MARCHF8: variants seen among roughly 807,000 people sequenced by gnomAD.
MARCHF8 encodes membrane associated ring-CH-type finger 8.
MARCHF8 carries 40 observed loss-of-function variants against 51.6 expected under a neutral mutation model. The observed-to-expected ratio is 0.77, with a 90% CI of 0.60 to 1.01. MARCHF8 has a LOEUF of 1.01. Among genes scored for constraint, MARCHF8 ranks in the 50% least tolerant of loss-of-function variants. The probability of loss-of-function intolerance (pLI) is 0.00; values close to 1 mark genes in which losing one functional copy is unlikely to be tolerated. For missense variants in MARCHF8, 685 were observed against 708.6 expected, an observed-to-expected ratio of 0.97 and a Z score of 0.38; for synonymous variants, 263 against 280.3, an observed-to-expected ratio of 0.94 and a Z score of 0.62.
At position 45,514,288 on chromosome 10, in the gene MARCHF8, G is replaced by C. The variant is rs530790017; in HGVS notation, c.102+18822C>G. ...TTCCATAAAGCCTAATGGCATCCCT[G>C]AATCAGTGAGAAACCAGGCACAGCT... is the stretch of plus-strand genomic sequence containing the variant. On this transcript the variant is annotated intron_variant, in intron 2 of 7. Coordinates refer to ENST00000453424, the MANE Select transcript of MARCHF8 (RefSeq NM_001282866.2). Among the ~76,000 whole-genome samples, 14 of 152,350 alleles carry C rather than the reference G, an allele frequency of 9.2e-5. No individual in the cohort carries two copies. In the South Asian group the frequency reaches 2.9e-3, roughly 32 times the overall value.
intron 5 of MARCHF8, 78 bp from the exon 6 acceptor site, chr10:45,461,489 C>A (rs1000834220): frequency 3.1e-6 from 4 of 1,272,492 alleles, no homozygotes; most frequent in Middle Eastern, 3.0e-4. Flanking sequence ...CAGGTTAATC[C>A]CCCCAAAGGA....
At chr10:45,566,780 AG>A (rs561562277) in intron 1 of MARCHF8, among the ~76,000 whole-genome samples, 162 of 4,574 alleles carry the variant, frequency 0.035, 1 homozygote, top group African/African-American at 0.083. Flanking sequence ...TGGCGGGGGG[AG>A]GGGGGGAGGG....
chr10:45,534,761 G>A (rs1564506908), intron 1 of MARCHF8, among the ~76,000 whole-genome samples: 1 of 152,014 alleles, frequency 6.6e-6, no homozygotes. Context: ...CAACCCCAAG[G>A]TCACATTTGA....
chr10:45,472,149 C>T (rs1037283561), intron 3 of MARCHF8, among the ~76,000 whole-genome samples: 9 of 152,146 alleles, frequency 5.9e-5, no homozygotes, highest in African/African-American at 2.2e-4. Context: ...GCCTTTCCCA[C>T]CCCTCCTCCT....
chr10:45,522,485 GGGTGTAATACAAA>G (rs140235536), intron 2 of MARCHF8, among the ~76,000 whole-genome samples: 35,078 of 152,116 alleles, frequency 0.23, 4,246 homozygotes, highest in Admixed American at 0.3. Flanking sequence ...AACAATCCTG[GGGTGTAATACAAA>G]TCAGTTGAGC....
chr10:45,545,677 A>G (rs1809657372), intron 1 of MARCHF8, among the ~76,000 whole-genome samples: 1 of 152,244 alleles, frequency 6.6e-6, no homozygotes, highest in Non-Finnish European at 1.5e-5. Context: ...TAAGTTACAG[A>G]TAAGAAATTT....
At chr10:45,489,317 G>A (rs2043040959) in intron 3 of MARCHF8, 50 bp downstream of exon 3, 3 of 1,346,584 alleles carry the variant, frequency 2.2e-6, no homozygotes, top group Admixed American at 1.9e-5. Flanking sequence ...TAAGGCATAA[G>A]AACAGAAAAG....
chr10:45,486,259 C>T (rs2042977190), intron 3 of MARCHF8, among the ~76,000 whole-genome samples: 1 of 152,144 alleles, frequency 6.6e-6, no homozygotes, highest in South Asian at 2.1e-4. Flanking sequence ...GCAAACAGCA[C>T]ACAGTAAAAA....
intron 1 of MARCHF8, among the ~76,000 whole-genome samples, chr10:45,567,881 A>G (rs554999749): frequency 6.6e-6 from 1 of 152,292 alleles, no homozygotes; most frequent in Non-Finnish European, 1.5e-5. Flanking sequence ...GGTAGTATGG[A>G]CATTTTAACA....
At chr10:45,585,931 T>A (rs1316639861) in intron 1 of MARCHF8, among the ~76,000 whole-genome samples, 3 of 152,142 alleles carry the variant, frequency 2.0e-5, no homozygotes, top group Non-Finnish European at 4.4e-5. Flanking sequence ...TTGCTTAACA[T>A]CCTTCTAGAC....
chr10:45,527,186 T>C (rs981381057), intron 2 of MARCHF8, among the ~76,000 whole-genome samples: 2 of 150,754 alleles, frequency 1.3e-5, no homozygotes, highest in African/African-American at 4.9e-5. Flanking sequence ...TCGAAAAAAA[T>C]AGAAAGACCA....
At chr10:45,495,129 A>AAAAAG (rs905317544) in intron 2 of MARCHF8, among the ~76,000 whole-genome samples, 1 of 152,124 alleles carries the variant, frequency 6.6e-6, no homozygotes, top group Admixed American at 6.5e-5. Context: ...TCAAAAAAAA[A>AAAAAG]AAAAGAAAAG....
intron 2 of MARCHF8, among the ~76,000 whole-genome samples, chr10:45,522,116 A>T (rs932773744): frequency 6.6e-6 from 1 of 152,190 alleles, no homozygotes; most frequent in African/African-American, 2.4e-5. Flanking sequence ...ACAACTTTTT[A>T]AAGTCAGGGG....
At chr10:45,477,913 A>G (rs752697407) in intron 3 of MARCHF8, among the ~76,000 whole-genome samples, 2 of 152,264 alleles carry the variant, frequency 1.3e-5, no homozygotes, top group Non-Finnish European at 1.5e-5. Context: ...ACTCAGATGT[A>G]TAAAGCAAAT....
chr10:45,508,797 C>T (rs2043437347), intron 2 of MARCHF8, among the ~76,000 whole-genome samples: 1 of 152,104 alleles, frequency 6.6e-6, no homozygotes, highest in African/African-American at 2.4e-5. Flanking sequence ...CATCCTTTAA[C>T]TATAGAGTTC....
At chr10:45,464,800 C>T (rs1842916337) in intron 3 of MARCHF8, among the ~76,000 whole-genome samples, 1 of 152,156 alleles carries the variant, frequency 6.6e-6, no homozygotes, top group African/African-American at 2.4e-5. Context: ...CAGATGCTCC[C>T]TGAGTTCCAC....
upstream of MARCHF8, among the ~76,000 whole-genome samples, chr10:45,539,594 G>C (rs933767133): frequency 6.6e-6 from 1 of 152,108 alleles, no homozygotes; most frequent in Admixed American, 6.6e-5. Flanking sequence ...AAGAAGAAAA[G>C]ACAGAAGAAT....
At chr10:45,531,267 C>T (rs1026598099) in intron 2 of MARCHF8, among the ~76,000 whole-genome samples, 1 of 152,056 alleles carries the variant, frequency 6.6e-6, no homozygotes, top group Non-Finnish European at 1.5e-5. Context: ...ACAAGCACAA[C>T]TTCAGAATAC....
intron 1 of MARCHF8, among the ~76,000 whole-genome samples, chr10:45,556,192 C>A (rs946053154): frequency 1.3e-5 from 2 of 152,092 alleles, no homozygotes; most frequent in African/African-American, 4.8e-5. Context: ...AAACCTATAG[C>A]TTAAAAGATA....
Sources: gnomAD v4.1 joint callset for allele counts (sites outside exome capture counted in the v4.1 genomes callset) on GRCh38, gnomAD v4.1.1 for gene constraint, MANE v1.5 for transcripts, NCBI Gene and HGNC (gene_info 2026-07-23, HGNC 2026-07-21) for gene names.